Variants in ADAMTSL3 observed in about 807,000 individuals in gnomAD.
ADAMTSL3 encodes the protein ADAMTS-like protein 3.
Under a neutral mutation model 201.7 loss-of-function variants are expected in ADAMTSL3, and 128 were observed. The observed-to-expected ratio is 0.63, with a 90% CI of 0.55 to 0.73. The LOEUF is 0.73. ADAMTSL3 is among the 30% of genes least tolerant of loss of function. The pLI, the probability that ADAMTSL3 is intolerant of heterozygous loss-of-function variation, is 0.00. For synonymous variants in ADAMTSL3, 738 were observed against 748.4 expected, an observed-to-expected ratio of 0.99 and a Z score of 0.23; for missense variants, 1,990 against 2,119.6, an observed-to-expected ratio of 0.94 and a Z score of 1.20.
rs73445110 is a variant in ADAMTSL3 at position 84,021,209 on chromosome 15, G to A, written c.4274-201G>A. On this transcript the variant is annotated intron_variant, in intron 25 of 29. Transcript: ENST00000286744. ...GTGGTCCAAGGACCCCATTCTGGCC[G>A]CCATTCTCACCAGTTATTACAGTAA... is the stretch of plus-strand genomic sequence containing the variant. Among the ~76,000 whole-genome samples the A allele has an allele frequency of 0.041, 6,310 of 152,180 alleles. 417 individuals carry two copies. Among genetic ancestry groups the A allele is most frequent in the African/African-American group, 0.14 (5,989 of 41,526 alleles).
chr15:83,754,657 G>A (rs1394664663), intron 3 of ADAMTSL3, among the ~76,000 whole-genome samples: 1 of 152,074 alleles, frequency 6.6e-6, no homozygotes, highest in African/African-American at 2.4e-5. Flanking sequence ...ACAGGGTTTT[G>A]GATAAGGTAA....
chr15:83,899,548 C>A, intron 14 of ADAMTSL3, 99 bp from the exon 15 acceptor site: 2 of 1,193,390 alleles, frequency 1.7e-6, no homozygotes, highest in Admixed American at 2.5e-5. Flanking sequence ...AAAAACATGA[C>A]CTCTTTATAA....
At chr15:83,879,729 C>T (rs2065238047) in intron 9 of ADAMTSL3, among the ~76,000 whole-genome samples, 1 of 152,166 alleles carries the variant, frequency 6.6e-6, no homozygotes, top group Admixed American at 6.5e-5. Context: ...CTATGTATGT[C>T]AATTAGGTCA....
chr15:83,897,872 T>C lies in ADAMTSL3; in HGVS notation c.1482T>C (p.Cys494=), dbSNP rs773157807. The C allele has an allele frequency of 6.2e-7, 1 of 1,604,060 alleles. No homozygotes were observed. Among genetic ancestry groups the C allele is most frequent in the East Asian group, 2.2e-5 (1 of 44,700 alleles). Residue 494 remains cysteine, a synonymous_variant, in exon 14 of 30, where the codon TGT becomes TGC. Coordinates refer to ENST00000286744, the MANE Select transcript of ADAMTSL3 (RefSeq NM_207517.3). The stretch of plus-strand genomic sequence containing the variant: ...CTTCTTTGAAGTGCACAGTGACTTG[T>C]GGCCGAGGGTTACGGTACCGGGTTG... ...AMEWSQCTVT[C]GRGLRYRVVL...
At chr15:83,811,691 C>A (rs146213521) in intron 5 of ADAMTSL3, among the ~76,000 whole-genome samples, 480 of 152,232 alleles carry the variant, frequency 3.2e-3, no homozygotes, top group Non-Finnish European at 4.9e-3. Flanking sequence ...GAAATAGATG[C>A]TTGGGGTAGA....
At position 83,983,197 on chromosome 15, in the gene ADAMTSL3, T is replaced by C. The variant is rs2067420353; in HGVS notation, c.3569T>C (p.Phe1190Ser). Reference sequence around the variant, plus strand: ...CAAAGCCAACCTCCCTCAATTTCATTTAATAAAACAATAAATTCCAGGATT... The same window carrying C: ...CAAAGCCAACCTCCCTCAATTTCATCTAATAAAACAATAAATTCCAGGATT... Reference protein sequence around the residue: ...MRQSQPPSISFNKTINSRIGN... With the variant: ...MRQSQPPSISSNKTINSRIGN... Residue 1190 changes from phenylalanine to serine, a missense_variant, in exon 21 of 30, where the codon TTT becomes TCT. Coordinates refer to ENST00000286744, the MANE Select transcript of ADAMTSL3 (RefSeq NM_207517.3). The C allele has an allele frequency of 2.5e-6, 4 of 1,613,984 alleles. No individual in the cohort carries two copies. Among genetic ancestry groups the C allele is most frequent in the African/African-American group, 1.3e-5 (1 of 75,018 alleles).
intron 19 of ADAMTSL3, among the ~76,000 whole-genome samples, chr15:83,964,433 A>T (rs2067037868): frequency 6.6e-6 from 1 of 152,102 alleles, no homozygotes; most frequent in South Asian, 2.1e-4. Context: ...CAGAGATTGA[A>T]GATGAACTTA....
chr15:83,987,430 A>G lies in ADAMTSL3; in HGVS notation c.3717-1261A>G, dbSNP rs537853955. Among the ~76,000 whole-genome samples, 372 of 152,336 alleles carry G rather than the reference A, an allele frequency of 2.4e-3. 1 individual carries two copies. The highest frequency in any genetic ancestry group is 8.5e-3 in the African/African-American group (352 of 41,572). ...ATAAAAGTCTAAGCAGTGAGTATGC[A>G]CAGCTGTGAATAAGATTTGGTTCCT... On this transcript the variant is annotated intron_variant, in intron 21 of 29. Transcript: ENST00000286744.
intron 15 of ADAMTSL3, among the ~76,000 whole-genome samples, chr15:83,904,203 C>G (rs1807785992): frequency 6.6e-6 from 1 of 151,962 alleles, no homozygotes; most frequent in Non-Finnish European, 1.5e-5. Context: ...ATCTCTCCCT[C>G]TGTGGTCGCT....
At chr15:83,910,368 G>T (rs1472983109) in intron 15 of ADAMTSL3, among the ~76,000 whole-genome samples, 3 of 149,254 alleles carry the variant, frequency 2.0e-5, no homozygotes, top group Non-Finnish European at 3.0e-5. Flanking sequence ...ATTCAGAATT[G>T]TATGAACACT....
intron 16 of ADAMTSL3, among the ~76,000 whole-genome samples, chr15:83,922,422 ATT>A (rs1264902231): frequency 6.6e-6 from 1 of 152,220 alleles, no homozygotes; most frequent in Non-Finnish European, 1.5e-5. Flanking sequence ...TGTAATAAAA[ATT>A]TCTAGAGAAT....
chr15:83,945,376 G>A (rs555942732), intron 19 of ADAMTSL3, among the ~76,000 whole-genome samples: 1 of 152,344 alleles, frequency 6.6e-6, no homozygotes, highest in Non-Finnish European at 1.5e-5. Flanking sequence ...CAGGTAGAAG[G>A]TCTGTCTGGA....
At chr15:83,895,961 T>C (rs2065606217) in intron 13 of ADAMTSL3, among the ~76,000 whole-genome samples, 1 of 152,112 alleles carries the variant, frequency 6.6e-6, no homozygotes, top group Non-Finnish European at 1.5e-5. Context: ...GGCCTCCATA[T>C]CCTCGAAACA....
In ADAMTSL3 at chr15:83,943,032, T is replaced by C; in HGVS notation, c.2440T>C (p.Cys814Arg). 1 of 1,614,072 alleles carries C rather than the reference T, an allele frequency of 6.2e-7. No homozygotes were observed. The highest frequency in any genetic ancestry group is 2.2e-5 in the East Asian group (1 of 44,864). The change falls in exon 19 of 30, where the codon TGT becomes CGT. Residue 814 changes from cysteine to arginine, a missense_variant. Transcript: ENST00000286744. Reference protein sequence around the residue: ...QGPKASSHKSCARTDCPPHLA... With the variant: ...QGPKASSHKSRARTDCPPHLA... ...ACCCAAGGCATCGTCTCACAAGTCCTGTGCCAGGACAGACTGTCCTCCACA... is the reference window on the plus strand; with the variant it reads ...ACCCAAGGCATCGTCTCACAAGTCCCGTGCCAGGACAGACTGTCCTCCACA...
intron 23 of ADAMTSL3, among the ~76,000 whole-genome samples, chr15:84,006,543 T>C (rs2067898217): frequency 6.6e-6 from 1 of 152,128 alleles, no homozygotes; most frequent in Non-Finnish European, 1.5e-5. Context: ...TTGCAACACA[T>C]GTTTCACAGC....
At position 83,933,903 on chromosome 15, in the gene ADAMTSL3, G is replaced by A. The variant is rs914758436; in HGVS notation, c.2118-8693G>A. Among the ~76,000 whole-genome samples, 7 of 152,200 alleles carry A rather than the reference G, an allele frequency of 4.6e-5. No homozygotes were observed. The East Asian group carries it at 1.3e-3, about 29-fold the overall frequency. On this transcript the variant is annotated intron_variant, in intron 17 of 29. Transcript: ENST00000286744. ...CTGCAGGTGCACAGAAGCAAAAATC[G>A]AGGTTTGGGAGCCTTTGCCTAGATT... is the stretch of plus-strand genomic sequence containing the variant.
chr15:83,849,877 A>G (rs2064574195), intron 7 of ADAMTSL3, among the ~76,000 whole-genome samples: 1 of 152,198 alleles, frequency 6.6e-6, no homozygotes, highest in African/African-American at 2.4e-5. Flanking sequence ...GTAAAGAAAA[A>G]TCCCCTGTAG....
intron 4 of ADAMTSL3, among the ~76,000 whole-genome samples, chr15:83,785,981 T>A (rs1358687642): frequency 6.6e-6 from 1 of 152,032 alleles, no homozygotes; most frequent in East Asian, 1.9e-4. Flanking sequence ...GTAACTGCAG[T>A]TACAGACGTG....
intron 6 of ADAMTSL3, among the ~76,000 whole-genome samples, chr15:83,820,924 AT>A (rs1459161939): frequency 3.3e-5 from 5 of 152,100 alleles, no homozygotes; most frequent in African/African-American, 1.2e-4. Context: ...AAATACAAAA[AT>A]TAACTGGGTG....
Sources: allele counts gnomAD v4.1 joint callset (sites outside exome capture counted in the v4.1 genomes callset), GRCh38; gene constraint gnomAD v4.1.1; transcripts MANE v1.5; gene names NCBI Gene and HGNC (gene_info 2026-07-23, HGNC 2026-07-21).